Variants in CDH19 observed in about 807,000 individuals in gnomAD.
The protein encoded by CDH19 is cadherin-19.
A neutral mutation model predicts 64.2 loss-of-function variants in CDH19; 67 were observed. The ratio of observed to expected loss-of-function variants is 1.04; its 90% CI spans 0.86 to 1.28. The LOEUF (loss-of-function observed/expected upper bound fraction) is 1.28, where lower values mean the gene tolerates loss of function less well. CDH19 is among the 50% of genes most tolerant of loss of function. The probability of loss-of-function intolerance (pLI) is 0.00; values close to 1 mark genes in which losing one functional copy is unlikely to be tolerated. For missense variants in CDH19, 1,030 were observed against 929.0 expected, an observed-to-expected ratio of 1.11 and a Z score of -1.41; for synonymous variants, 346 against 319.3, an observed-to-expected ratio of 1.08 and a Z score of -0.89.
At chr18:66,590,379 T>G (rs193184906) in intron 1 of CDH19, among the ~76,000 whole-genome samples, 198 of 152,068 alleles carry the variant, frequency 1.3e-3, no homozygotes, top group African/African-American at 4.6e-3. Context: ...TAAATGCAGA[T>G]ACTGAGCATA....
At chr18:66,554,169 C>A (rs72954440) in intron 4 of CDH19, among the ~76,000 whole-genome samples, 16,828 of 151,866 alleles carry the variant, frequency 0.11, 1,234 homozygotes, top group Admixed American at 0.16. Context: ...TTAAAAGAAT[C>A]TTTACATATG....
intron 9 of CDH19, among the ~76,000 whole-genome samples, chr18:66,516,102 A>G (rs1985724995): frequency 6.6e-6 from 1 of 152,000 alleles, no homozygotes; most frequent in Non-Finnish European, 1.5e-5. Flanking sequence ...AGAAGATCAT[A>G]CAGCAGAAGT....
At chr18:66,505,812 A>T (rs1985172279) in intron 11 of CDH19, among the ~76,000 whole-genome samples, 1 of 151,754 alleles carries the variant, frequency 6.6e-6, no homozygotes. Flanking sequence ...ATATGTATTG[A>T]CTATGAAGCA....
chr18:66,534,020 T>C (rs1163461563), intron 8 of CDH19, among the ~76,000 whole-genome samples: 2 of 151,628 alleles, frequency 1.3e-5, no homozygotes, highest in Non-Finnish European at 2.9e-5. Flanking sequence ...TTTTTTAAAA[T>C]GTTAGAGAAA....
chr18:66,576,381 T>C (rs1325869288), intron 1 of CDH19, among the ~76,000 whole-genome samples: 3 of 151,402 alleles, frequency 2.0e-5, no homozygotes, highest in African/African-American at 7.2e-5. Flanking sequence ...AAAGCTACAA[T>C]GGCCATAATA....
chr18:66,517,990 A>C (rs2144369874), intron 9 of CDH19, among the ~76,000 whole-genome samples: 1 of 151,996 alleles, frequency 6.6e-6, no homozygotes, highest in African/African-American at 2.4e-5. Flanking sequence ...TTTATTTTAT[A>C]TGTACTTTAT....
chr18:66,597,474 T>C (rs950422330), intron 1 of CDH19, among the ~76,000 whole-genome samples: 2 of 152,108 alleles, frequency 1.3e-5, no homozygotes, highest in Non-Finnish European at 2.9e-5. Context: ...AATACTTAAA[T>C]GTAAATCCTA....
At chr18:66,566,884 C>G (rs970100806) in intron 3 of CDH19, among the ~76,000 whole-genome samples, 3 of 151,824 alleles carry the variant, frequency 2.0e-5, no homozygotes, top group African/African-American at 7.2e-5. Flanking sequence ...CCATGCCTGA[C>G]ATACGTGTTA....
chr18:66,592,454 T>C (rs758201007), intron 1 of CDH19, among the ~76,000 whole-genome samples: 34 of 151,856 alleles, frequency 2.2e-4, no homozygotes, highest in Non-Finnish European at 3.2e-4. Flanking sequence ...ATATTCACTG[T>C]ACAGTGCTAT....
In CDH19 at chr18:66,546,785, G is replaced by C. The variant is rs560365676; in HGVS notation, c.776-1882C>G. On this transcript the variant is annotated intron_variant, in intron 5 of 11. Transcript: ENST00000262150. ...ATTGAAGAAAGAAAATGAGTATCTG[G>C]GGAAATATAATTTCAAGAAGAGGAA... Among the ~76,000 whole-genome samples the C allele has an allele frequency of 6.6e-5, 10 of 152,206 alleles. No homozygotes were observed. The South Asian group carries it at 2.1e-3, about 32-fold the overall frequency.
At chr18:66,576,108 T>C (rs1033897383) in intron 1 of CDH19, among the ~76,000 whole-genome samples, 1 of 150,958 alleles carries the variant, frequency 6.6e-6, no homozygotes, top group African/African-American at 2.4e-5. Flanking sequence ...GAATACTCAA[T>C]CTAAAGAAAA....
chr18:66,573,893 C>CCACACA (rs140587493), intron 1 of CDH19, among the ~76,000 whole-genome samples: 45,628 of 144,912 alleles, frequency 0.31, 7,533 homozygotes, highest in South Asian at 0.44. Context: ...ACCACTGAAG[C>CCACACA]CACACACACA....
chr18:66,582,017 T>G (rs936116985), intron 1 of CDH19, among the ~76,000 whole-genome samples: 2 of 152,116 alleles, frequency 1.3e-5, no homozygotes, highest in African/African-American at 4.8e-5. Context: ...AGACATCAAG[T>G]GTATTCTATA....
At chr18:66,522,658 A>G (rs1986047531) in intron 9 of CDH19, among the ~76,000 whole-genome samples, 1 of 151,310 alleles carries the variant, frequency 6.6e-6, no homozygotes, top group Non-Finnish European at 1.5e-5. Context: ...GTTTTATTAT[A>G]TATATTTTTT....
At chr18:66,516,423 A>G (rs1985740797) in intron 9 of CDH19, among the ~76,000 whole-genome samples, 1 of 152,058 alleles carries the variant, frequency 6.6e-6, no homozygotes, top group African/African-American at 2.4e-5. Context: ...TAAATGAGAA[A>G]CAATACAGAA....
At position 66,572,068 on chromosome 18, in the gene CDH19, ACCC is replaced by A; in HGVS notation, c.134_136del (p.Trp45_Val46delinsLeu). 6.2e-7 allele frequency: 1 copy of A among 1,611,504 alleles called. No individual in the cohort carries two copies. On this transcript the variant is annotated inframe_deletion, in exon 2 of 12. Transcript: ENST00000262150. ...CTCTGGTACAAAAAATTGGTTCCAC[ACCC>A]AGCCACGCTTCACTCTCAAATGAGA...
Position 66,551,244 on chromosome 18 carries a change from A to T in CDH19, c.625T>A (p.Ser209Thr). The T allele has an allele frequency of 6.8e-7, 1 of 1,473,700 alleles. No individual in the cohort carries two copies. Among genetic ancestry groups the T allele is most frequent in the Non-Finnish European group, 9.5e-7 (1 of 1,056,186 alleles). The allele number at this position is 1,473,700 out of a possible 1,614,324, so 91.3% of individuals were successfully genotyped here. A position where few individuals can be genotyped will look rare whatever the true frequency, so the allele number is the denominator to read the frequency against. Reference sequence around the variant, plus strand: ...TGCAGTTCTCTATCCATTTTAGAAGATATTCTTATGACTCCTTTAAAAATA... The same window carrying T: ...TGCAGTTCTCTATCCATTTTAGAAGTTATTCTTATGACTCCTTTAAAAATA... The part of the protein sequence containing the change: ...VEPTTGVIRI[S>T]SKMDRELQDE... Residue 209 changes from serine (S) to threonine (T), a missense_variant, in exon 5 of 12, where the codon TCT becomes ACT. Ser to Thr is a moderately conservative substitution (Grantham distance 58). Transcript: ENST00000262150.
At chr18:66,515,779 G>T (rs970647624) in intron 9 of CDH19, among the ~76,000 whole-genome samples, 1 of 151,626 alleles carries the variant, frequency 6.6e-6, no homozygotes, top group African/African-American at 2.4e-5. Context: ...CATAAAATCA[G>T]CATGTATATG....
chr18:66,516,066 G>A (rs1985723184), intron 9 of CDH19, among the ~76,000 whole-genome samples: 1 of 151,932 alleles, frequency 6.6e-6, no homozygotes, highest in Non-Finnish European at 1.5e-5. Flanking sequence ...TGGGGGGTCA[G>A]AGAACCTTGT....
Sources: gnomAD v4.1 joint callset for allele counts (sites outside exome capture counted in the v4.1 genomes callset) on GRCh38, gnomAD v4.1.1 for gene constraint, MANE v1.5 for transcripts, NCBI Gene and HGNC (gene_info 2026-07-23, HGNC 2026-07-21) for gene names.